FUT9: variants seen among roughly 807,000 people sequenced by gnomAD.
FUT9 encodes the protein 4-galactosyl-N-acetylglucosaminide 3-alpha-L-fucosyltransferase 9.
Under a neutral mutation model 29.7 loss-of-function variants are expected in FUT9, and 15 were observed. That is an observed-to-expected ratio of 0.51 (90% CI 0.34 to 0.78). The LOEUF is 0.78. FUT9 is among the 30% of genes least tolerant of loss of function. FUT9 has a pLI of 0.01. For missense variants in FUT9, 319 were observed against 425.4 expected (o/e 0.75, Z 2.20); for synonymous variants, 169 against 153.7 (o/e 1.10, Z -0.74).
intron 1 of FUT9, among the ~76,000 whole-genome samples, chr6:96,109,266 T>G (rs1771752680): frequency 1.3e-5 from 2 of 152,230 alleles, no homozygotes; most frequent in Non-Finnish European, 2.9e-5. Flanking sequence ...TTCAGAGTTC[T>G]CTGAAGCTTC....
intron 2 of FUT9, among the ~76,000 whole-genome samples, chr6:96,134,403 G>A (rs1772309646): frequency 6.6e-6 from 1 of 151,602 alleles, no homozygotes; most frequent in Non-Finnish European, 1.5e-5. Context: ...TCCATTCTTT[G>A]TTTGGATCAT....
intron 1 of FUT9, among the ~76,000 whole-genome samples, chr6:96,058,468 C>CATAAAAAAAA (rs376198189): frequency 1.3e-5 from 1 of 77,174 alleles, no homozygotes; most frequent in African/African-American, 5.8e-5. Flanking sequence ...GGCTTTATTC[C>CATAAAAAAAA]AAAAAAAAAA....
intron 1 of FUT9, among the ~76,000 whole-genome samples, chr6:96,096,954 G>C (rs1045295260): frequency 6.6e-6 from 1 of 152,010 alleles, no homozygotes; most frequent in Admixed American, 6.6e-5. Context: ...TGGTGTTAGA[G>C]CACCCAGCAC....
At chr6:96,188,584 AATT>A (rs1773445874) in intron 2 of FUT9, among the ~76,000 whole-genome samples, 1 of 151,878 alleles carries the variant, frequency 6.6e-6, no homozygotes, top group South Asian at 2.1e-4. Context: ...GATTTAAAGG[AATT>A]ATTACCTGCA....
rs2127991758 is a variant in FUT9, at chr6:96,203,879, C to A, written c.724C>A (p.Leu242Ile). The stretch of plus-strand genomic sequence containing the variant: ...TACCATATCTACTTGTAAATTTTAT[C>A]TTTCCTTTGAAAATTCAATCCACAA... ...IPTISTCKFY[L>I]SFENSIHKDY... Residue 242 changes from leucine to isoleucine, a missense_variant, in exon 3 of 3, where the codon CTT becomes ATT. Leu to Ile is a conservative substitution (Grantham distance 5). Transcript: ENST00000302103. The A allele has an allele frequency of 1.2e-6, 2 of 1,611,822 alleles. No homozygotes were observed. Among genetic ancestry groups the A allele is most frequent in the Non-Finnish European group, 1.7e-6 (2 of 1,178,354 alleles).
Position 96,212,598 on chromosome 6 carries a change from T to C in FUT9, c.*8363T>C, listed in dbSNP as rs904672235. 2.8e-6 allele frequency: 1 copy of C among 361,126 alleles called. No individual in the cohort carries two copies. Among genetic ancestry groups the C allele is most frequent in the Non-Finnish European group, 5.2e-6 (1 of 193,804 alleles). The allele number at this position is 361,126 out of a possible 1,614,324, so 22.4% of individuals were successfully genotyped here. A position where few individuals can be genotyped will look rare whatever the true frequency, so the allele number is the denominator to read the frequency against. ...GTAATTGTGACAATATAAAATGGCA[T>C]TGTTATAGAATCCCTAAAAGGTAAA... On this transcript the variant is annotated 3_prime_UTR_variant, in exon 3 of 3. Transcript: ENST00000302103.
At chr6:96,111,969 A>T (rs1771817126) in intron 1 of FUT9, among the ~76,000 whole-genome samples, 1 of 152,202 alleles carries the variant, frequency 6.6e-6, no homozygotes, top group East Asian at 1.9e-4. Flanking sequence ...TAACAATCCT[A>T]AGACAGCTAT....
rs1161643817 is a variant in FUT9, at chr6:96,212,920, CT to C, written c.*8686del. On this transcript the variant is annotated 3_prime_UTR_variant, in exon 3 of 3. Coordinates refer to ENST00000302103, the MANE Select transcript of FUT9 (RefSeq NM_006581.4). ...CCCAAGTTCCAGTTTTCACAATCTG[CT>C]GTATAATTCACTAACATTTCTGAGC... 1.2e-5 allele frequency: 2 copies of C among 166,766 alleles called. No individual in the cohort carries two copies. Among genetic ancestry groups the C allele is most frequent in the Non-Finnish European group, 2.9e-5 (2 of 68,028 alleles). 10.3% of individuals were successfully genotyped at this position (166,766 alleles called of 1,614,324 possible).
At chr6:96,168,470 CA>C (rs1773053878) in intron 2 of FUT9, among the ~76,000 whole-genome samples, 1 of 152,040 alleles carries the variant, frequency 6.6e-6, no homozygotes, top group Admixed American at 6.6e-5. Flanking sequence ...GACCTAAGAG[CA>C]GAAAGTATAT....
In FUT9 at chr6:96,021,206, T is replaced by C. The variant is rs115502765; in HGVS notation, c.-98+4994T>C. The stretch of plus-strand genomic sequence containing the variant: ...AGGCTTGACAACAAAAATTATTTAG[T>C]TCCTTAAAAAAAGCAAGTTTCCATT... On this transcript the variant is annotated intron_variant, in intron 1 of 2. Coordinates refer to ENST00000302103, the MANE Select transcript of FUT9 (RefSeq NM_006581.4). 4.3e-3 allele frequency among the ~76,000 whole-genome samples: 647 copies of C among 152,138 alleles called. 7 individuals are homozygous for C. The highest frequency in any genetic ancestry group is 0.014 in the African/African-American group (600 of 41,534).
In FUT9 at chr6:96,204,286, A is replaced by T. The variant is rs1773786662; in HGVS notation, c.*51A>T. 1.6e-6 allele frequency: 2 copies of T among 1,285,052 alleles called. No homozygotes were observed. The highest frequency in any genetic ancestry group is 4.9e-5 in the East Asian group (2 of 40,534). The allele number at this position is 1,285,052 out of a possible 1,614,324, so 79.6% of individuals were successfully genotyped here. On this transcript the variant is annotated 3_prime_UTR_variant, in exon 3 of 3. Transcript: ENST00000302103. ...TAAATATTTTGATGAGATATCATCCAAGTATTGAGGATAAGAAGAGATGCA... is the reference window on the plus strand; with the variant it reads ...TAAATATTTTGATGAGATATCATCCTAGTATTGAGGATAAGAAGAGATGCA...
At chr6:96,157,105 GA>G (rs1347630967) in intron 2 of FUT9, among the ~76,000 whole-genome samples, 1 of 152,156 alleles carries the variant, frequency 6.6e-6, no homozygotes, top group Non-Finnish European at 1.5e-5. Flanking sequence ...TAGCCCCAGA[GA>G]AAGACATGAA....
chr6:96,198,641 G>A (rs1185183645), intron 2 of FUT9, among the ~76,000 whole-genome samples: 3 of 152,140 alleles, frequency 2.0e-5, no homozygotes, highest in Non-Finnish European at 2.9e-5. Context: ...CCAGTAATGC[G>A]ATGGCTGGGT....
chr6:96,214,897 T>G lies in FUT9; in HGVS notation c.*10662T>G. The G allele has an allele frequency of 6.0e-6, 1 of 167,136 alleles. No individual in the cohort carries two copies. The allele number at this position is 167,136 out of a possible 1,614,324, so 10.4% of individuals were successfully genotyped here. A position where few individuals can be genotyped will look rare whatever the true frequency, so the allele number is the denominator to read the frequency against. Reference sequence around the variant, plus strand: ...AACAGCTTCAGTGAAGTTAGTATAATGATAAGAAAAATTGACTGTAGCTAT... The same window carrying G: ...AACAGCTTCAGTGAAGTTAGTATAAGGATAAGAAAAATTGACTGTAGCTAT... On this transcript the variant is annotated 3_prime_UTR_variant, in exon 3 of 3. Coordinates refer to ENST00000302103, the MANE Select transcript of FUT9 (RefSeq NM_006581.4).
At chr6:96,110,955 G>T (rs957410641) in intron 1 of FUT9, among the ~76,000 whole-genome samples, 2 of 152,084 alleles carry the variant, frequency 1.3e-5, no homozygotes, top group African/African-American at 4.8e-5. Flanking sequence ...GAGCGACTGT[G>T]CTTGGCCTGT....
chr6:96,094,997 A>C (rs1458815899), intron 1 of FUT9, among the ~76,000 whole-genome samples: 1 of 152,030 alleles, frequency 6.6e-6, no homozygotes, highest in Non-Finnish European at 1.5e-5. Flanking sequence ...ATAGCACTCC[A>C]TGTCCTTTCT....
chr6:96,152,387 C>G (rs184375919), intron 2 of FUT9, among the ~76,000 whole-genome samples: 3 of 152,132 alleles, frequency 2.0e-5, no homozygotes. Flanking sequence ...TCATAGCACT[C>G]CTTGTATTGA....
At chr6:96,040,026 A>G (rs564529958) in intron 1 of FUT9, among the ~76,000 whole-genome samples, 1 of 151,864 alleles carries the variant, frequency 6.6e-6, no homozygotes, top group East Asian at 1.9e-4. Context: ...AGTATTTATT[A>G]GGCTCTCATT....
rs148034577 is a variant in FUT9, at chr6:96,128,519, G to A, written c.-9+14392G>A. The stretch of plus-strand genomic sequence containing the variant: ...TGTGGAAAATTTGATTCCAGGTGAA[G>A]CAAGTTGGACCCTTTTGGATAACAT... On this transcript the variant is annotated intron_variant, in intron 2 of 2. Coordinates refer to ENST00000302103, the MANE Select transcript of FUT9 (RefSeq NM_006581.4). Among the ~76,000 whole-genome samples the A allele has an allele frequency of 6.0e-4, 92 of 152,248 alleles. 1 individual carries two copies. Among genetic ancestry groups the A allele is most frequent in the African/African-American group, 2.1e-3 (86 of 41,546 alleles).
Sources: allele counts gnomAD v4.1 joint callset (sites outside exome capture counted in the v4.1 genomes callset), GRCh38; gene constraint gnomAD v4.1.1; transcripts MANE v1.5; gene names NCBI Gene and HGNC (gene_info 2026-07-23, HGNC 2026-07-21).